Variants in EPHA6 observed in about 807,000 individuals in gnomAD.
EPHA6 encodes EPH receptor A6.
In EPHA6, 50 loss-of-function variants were observed where a neutral mutation model predicts 112.0. That is an observed-to-expected ratio of 0.45 (90% CI 0.36 to 0.56). The LOEUF is 0.56. EPHA6 is among the 20% of genes least tolerant of loss of function. The pLI is 0.00. For synonymous variants in EPHA6, 529 were observed against 490.7 expected (o/e 1.08, Z -1.03); for missense variants, 1,280 against 1,417.4 (o/e 0.90, Z 1.56).
intron 6 of EPHA6, among the ~76,000 whole-genome samples, chr3:97,427,208 A>G (rs75928799): frequency 0.028 from 4,238 of 152,332 alleles, 76 homozygotes; most frequent in Middle Eastern, 0.061. Context: ...CCAAAGGAAT[A>G]TATGTCATTC....
Position 96,951,462 on chromosome 3 carries a change from T to C in EPHA6, c.451-35868T>C, listed in dbSNP as rs143555125. 6.6e-5 allele frequency among the ~76,000 whole-genome samples: 10 copies of C among 152,224 alleles called. No homozygotes were observed. The East Asian group carries it at 1.9e-3, about 29-fold the overall frequency. Reference sequence around the variant, plus strand: ...GAGAATTCAAGTATTTGAGAGACAATCTTTGACATCAAGATGCTGATGATA... The same window carrying C: ...GAGAATTCAAGTATTTGAGAGACAACCTTTGACATCAAGATGCTGATGATA... On this transcript the variant is annotated intron_variant, in intron 2 of 17. Transcript: ENST00000389672.
intron 16 of EPHA6, among the ~76,000 whole-genome samples, chr3:97,744,531 T>G (rs969133080): frequency 6.6e-6 from 1 of 151,970 alleles, no homozygotes; most frequent in East Asian, 1.9e-4. Flanking sequence ...CTAAATCAAC[T>G]GCCAAGGCAG....
rs1248164445 is a variant in EPHA6, at chr3:97,753,599, G to T, written c.*4898G>T. On this transcript the variant is annotated 3_prime_UTR_variant, in exon 18 of 18. Transcript: ENST00000389672. Reference sequence around the variant, plus strand: ...TATATGGATTCACTACCTCAAAGGTGCCTCCTGTTAGAAAACATTAGCTTT... The same window carrying T: ...TATATGGATTCACTACCTCAAAGGTTCCTCCTGTTAGAAAACATTAGCTTT... 6.6e-6 allele frequency among the ~76,000 whole-genome samples: 1 copy of T among 152,064 alleles called. No individual in the cohort carries two copies. The highest frequency in any genetic ancestry group is 2.4e-5 in the African/African-American group (1 of 41,412).
At chr3:97,703,560 GCCAACA>G (rs2033515816) in intron 14 of EPHA6, among the ~76,000 whole-genome samples, 2 of 152,102 alleles carry the variant, frequency 1.3e-5, no homozygotes, top group African/African-American at 4.8e-5. Flanking sequence ...AAGTTTTCCA[GCCAACA>G]TTGGCTGTAA....
At chr3:97,630,149 A>T (rs1343497984) in intron 13 of EPHA6, among the ~76,000 whole-genome samples, 3 of 151,726 alleles carry the variant, frequency 2.0e-5, no homozygotes, top group Non-Finnish European at 4.4e-5. Context: ...TAGAAATGAC[A>T]TTTTTAGTTT....
In EPHA6 at chr3:97,225,442, C is replaced by A. The variant is rs564695925; in HGVS notation, c.1115-822C>A. 5.3e-5 allele frequency among the ~76,000 whole-genome samples: 8 copies of A among 152,210 alleles called. No homozygotes were observed. The South Asian group carries it at 1.7e-3, about 32-fold the overall frequency. ...TAGTAATTATTTTTAAACAATACTT[C>A]AATTATGAAAATGTTAGCAATGTTT... On this transcript the variant is annotated intron_variant, in intron 3 of 17. Coordinates refer to ENST00000389672, the MANE Select transcript of EPHA6 (RefSeq NM_001080448.3).
chr3:97,670,362 C>A (rs2030682317), intron 14 of EPHA6, among the ~76,000 whole-genome samples: 1 of 152,108 alleles, frequency 6.6e-6, no homozygotes, highest in African/African-American at 2.4e-5. Context: ...CAAAAGCAAC[C>A]CTTTCTTCTC....
intron 11 of EPHA6, among the ~76,000 whole-genome samples, chr3:97,566,642 A>G (rs1223051229): frequency 6.6e-6 from 1 of 152,140 alleles, no homozygotes; most frequent in Admixed American, 6.5e-5. Flanking sequence ...TCTTAATTCA[A>G]AGAGAGTGTT....
chr3:97,437,265 C>T (rs1402424670), intron 6 of EPHA6, among the ~76,000 whole-genome samples: 1 of 152,000 alleles, frequency 6.6e-6, no homozygotes, highest in Non-Finnish European at 1.5e-5. Flanking sequence ...CTTTTTGAAG[C>T]ATATATTATT....
intron 3 of EPHA6, among the ~76,000 whole-genome samples, chr3:97,169,424 T>A (rs890825805): frequency 6.6e-6 from 1 of 152,148 alleles, no homozygotes; most frequent in African/African-American, 2.4e-5. Flanking sequence ...AATGCCTAAT[T>A]ATTTAGGCAT....
intron 3 of EPHA6, among the ~76,000 whole-genome samples, chr3:97,003,444 G>A (rs2043747727): frequency 6.6e-6 from 1 of 152,234 alleles, no homozygotes; most frequent in South Asian, 2.1e-4. Flanking sequence ...TGAGTTGAAT[G>A]TTGGAAATTA....
intron 3 of EPHA6, among the ~76,000 whole-genome samples, chr3:97,076,041 T>G (rs998077130): frequency 8.5e-5 from 13 of 152,104 alleles, no homozygotes; most frequent in African/African-American, 2.4e-4. Flanking sequence ...CTATTGAAAT[T>G]AGGCCAATTA....
rs1182813469 is a variant in EPHA6 at position 97,716,431 on chromosome 3, G to T, written c.2785-3830G>T. 2.8e-5 allele frequency among the ~76,000 whole-genome samples: 4 copies of T among 141,458 alleles called. No individual in the cohort carries two copies. In the South Asian group the frequency reaches 6.4e-4, roughly 23 times the overall value. 92.8% of individuals were successfully genotyped at this position (141,458 alleles called of 152,430 possible). ...AAAATACAAAAAATTAGCCGGGCGC[G>T]GTGGCGGGCGCCTGTAGTCCCAGCT... On this transcript the variant is annotated intron_variant, in intron 14 of 17. Coordinates refer to ENST00000389672, the MANE Select transcript of EPHA6 (RefSeq NM_001080448.3).
intron 3 of EPHA6, among the ~76,000 whole-genome samples, chr3:97,099,043 A>T (rs2047328936): frequency 6.6e-6 from 1 of 151,970 alleles, no homozygotes; most frequent in African/African-American, 2.4e-5. Flanking sequence ...AACTTTAAAA[A>T]TATATTTGTA....
intron 2 of EPHA6, among the ~76,000 whole-genome samples, chr3:96,958,568 G>T (rs1381591094): frequency 1.3e-5 from 2 of 152,014 alleles, no homozygotes; most frequent in African/African-American, 4.8e-5. Flanking sequence ...TATTTGCATG[G>T]TGTTCTTATT....
chr3:97,678,471 G>GA (rs2031588417), intron 14 of EPHA6, among the ~76,000 whole-genome samples: 1 of 152,120 alleles, frequency 6.6e-6, no homozygotes, highest in South Asian at 2.1e-4. Context: ...ACAGAGCAGG[G>GA]ATAAAGGGCC....
intron 14 of EPHA6, among the ~76,000 whole-genome samples, chr3:97,682,123 A>G (rs2031907743): frequency 6.6e-6 from 1 of 152,088 alleles, no homozygotes; most frequent in Non-Finnish European, 1.5e-5. Context: ...TGGAAAGCCC[A>G]TCTAATTAAG....
intron 2 of EPHA6, among the ~76,000 whole-genome samples, chr3:96,947,076 A>G (rs939870019): frequency 1.3e-5 from 2 of 150,778 alleles, no homozygotes; most frequent in African/African-American, 4.9e-5. Flanking sequence ...GATTCTGGAT[A>G]TTAGGCCTTT....
intron 7 of EPHA6, among the ~76,000 whole-genome samples, chr3:97,465,749 C>A (rs933187080): frequency 1.3e-5 from 2 of 151,998 alleles, no homozygotes; most frequent in Admixed American, 1.3e-4. Flanking sequence ...AGCCGTGCTT[C>A]CATAAATAGT....
Sources: allele counts gnomAD v4.1 joint callset (sites outside exome capture counted in the v4.1 genomes callset), GRCh38; gene constraint gnomAD v4.1.1; transcripts MANE v1.5; gene names NCBI Gene and HGNC (gene_info 2026-07-23, HGNC 2026-07-21).